The following UGGT2 variants were observed in gnomAD, a reference collection of about 807,000 sequenced individuals.
UGGT2 encodes the protein UDP-glucose glycoprotein glucosyltransferase 2.
A neutral mutation model predicts 192.1 loss-of-function variants in UGGT2; 180 were observed. The observed-to-expected ratio is 0.94, with a 90% confidence interval of 0.83 to 1.06. The LOEUF is 1.06. UGGT2 is among the 50% of genes least tolerant of loss of function. UGGT2 has a pLI of 0.00. For synonymous variants in UGGT2, 580 were observed against 591.0 expected (o/e 0.98, Z 0.27); for missense variants, 1,849 against 1,795.7 (o/e 1.03, Z -0.54).
intron 29 of UGGT2, among the ~76,000 whole-genome samples, chr13:95,872,723 T>C (rs1008651351): frequency 6.6e-6 from 1 of 152,230 alleles, no homozygotes; most frequent in African/African-American, 2.4e-5. Flanking sequence ...CAATTTTCAC[T>C]AATATGTTAG....
intron 17 of UGGT2, among the ~76,000 whole-genome samples, chr13:95,936,441 G>C (rs78081482): frequency 0.014 from 2,162 of 152,354 alleles, 27 homozygotes; most frequent in South Asian, 0.054. Flanking sequence ...GCTGATCTGT[G>C]GTGTGCACAG....
At chr13:96,046,674 G>A (rs899113406) in intron 1 of UGGT2, among the ~76,000 whole-genome samples, 2 of 152,198 alleles carry the variant, frequency 1.3e-5, no homozygotes, top group African/African-American at 2.4e-5. Flanking sequence ...GCAAGGCATC[G>A]CCTCACCCGG....
chr13:95,998,459 C>A (rs1477045686), intron 6 of UGGT2, among the ~76,000 whole-genome samples: 2 of 152,064 alleles, frequency 1.3e-5, no homozygotes, highest in Non-Finnish European at 2.9e-5. Context: ...GTAGGAGGAG[C>A]CAGAGAGAAG....
intron 8 of UGGT2, among the ~76,000 whole-genome samples, chr13:95,987,666 G>C (rs149056830): frequency 4.4e-4 from 67 of 152,160 alleles, no homozygotes; most frequent in African/African-American, 1.5e-3. Flanking sequence ...CCATGCTAAG[G>C]GGTTTAAACT....
intron 1 of UGGT2, 81 bp from the exon 2 acceptor site, chr13:96,032,052 A>C: frequency 2.2e-6 from 2 of 930,054 alleles, no homozygotes; most frequent in Non-Finnish European, 1.6e-6. Context: ...CAAGAACCAA[A>C]TTATATCTAT....
chr13:95,815,837 G>T (rs1884823516), intron 38 of UGGT2, among the ~76,000 whole-genome samples: 1 of 152,198 alleles, frequency 6.6e-6, no homozygotes, highest in Non-Finnish European at 1.5e-5. Context: ...TTGGAGGTGG[G>T]AGGGTATAAT....
intron 25 of UGGT2, among the ~76,000 whole-genome samples, chr13:95,888,315 A>G (rs1052188641): frequency 1.3e-5 from 2 of 152,222 alleles, no homozygotes; most frequent in African/African-American, 4.8e-5. Context: ...ATCTGCAAAT[A>G]CAAAGTGGTG....
chr13:96,018,219 G>A (rs755613602), intron 4 of UGGT2, among the ~76,000 whole-genome samples: 18 of 152,084 alleles, frequency 1.2e-4, no homozygotes, highest in African/African-American at 1.9e-4. Flanking sequence ...GACATAATAC[G>A]AAAATGTGAA....
Position 95,877,785 on chromosome 13 carries a change from C to A in UGGT2, c.3300G>T (p.Val1100=). 6.2e-7 allele frequency: 1 copy of A among 1,614,012 alleles called. No homozygotes were observed. Among genetic ancestry groups the A allele is most frequent in the South Asian group, 1.1e-5 (1 of 91,072 alleles). ...LLLEGQCFDK[V]TEQPPRGLQF... ...GCAGACCCCGAGGAGGCTGTTCTGTCACTTTATCAAAGCATTGTCCTTCCA... is the reference window on the plus strand; with the variant it reads ...GCAGACCCCGAGGAGGCTGTTCTGTAACTTTATCAAAGCATTGTCCTTCCA... Residue 1100 remains valine (V), a synonymous_variant, in exon 28 of 39, where the codon GTG becomes GTT. Coordinates refer to ENST00000376747, the MANE Select transcript of UGGT2 (RefSeq NM_020121.4).
intron 10 of UGGT2, among the ~76,000 whole-genome samples, chr13:95,975,403 T>A (rs1446833749): frequency 1.3e-5 from 2 of 152,186 alleles, no homozygotes; most frequent in Non-Finnish European, 2.9e-5. Context: ...TACCTCACCT[T>A]GGTTCTTGGT....
At chr13:95,951,926 T>C (rs1339612186) in intron 12 of UGGT2, among the ~76,000 whole-genome samples, 1 of 151,874 alleles carries the variant, frequency 6.6e-6, no homozygotes, top group African/African-American at 2.4e-5. Context: ...GGCATGGTGA[T>C]ACACGCCTGT....
chr13:95,847,290 G>C (rs1262808109), intron 36 of UGGT2, among the ~76,000 whole-genome samples: 1 of 151,960 alleles, frequency 6.6e-6, no homozygotes, highest in East Asian at 1.9e-4. Context: ...TGCAATACAT[G>C]AACCTACATT....
At chr13:96,032,729 C>G (rs892511633) in intron 1 of UGGT2, among the ~76,000 whole-genome samples, 1 of 152,204 alleles carries the variant, frequency 6.6e-6, no homozygotes, top group African/African-American at 2.4e-5. Context: ...ACCTTTCTCT[C>G]TAGGCTTGGT....
intron 1 of UGGT2, among the ~76,000 whole-genome samples, chr13:96,043,882 A>C (rs976582472): frequency 6.6e-6 from 1 of 152,148 alleles, no homozygotes; most frequent in Non-Finnish European, 1.5e-5. Flanking sequence ...TACTAGACTT[A>C]AGAAATGAGA....
chr13:95,983,811 TTTTCC>T lies in UGGT2; in HGVS notation c.1080_1084del (p.Glu361SerfsTer7). On this transcript the variant is annotated frameshift_variant, in exon 10 of 39. Coordinates refer to ENST00000376747, the MANE Select transcript of UGGT2 (RefSeq NM_020121.4). LOFTEE classifies it high-confidence loss of function. ...AAAGGAATTCAAACAAACCTTTTGA[TTTTCC>T]TTTATTTCTTCTCTCATATGTTGAT... is the stretch of plus-strand genomic sequence containing the variant. The T allele has an allele frequency of 6.4e-7, 1 of 1,559,704 alleles. No homozygotes were observed. Among genetic ancestry groups the T allele is most frequent in the Non-Finnish European group, 8.7e-7 (1 of 1,151,322 alleles).
At position 95,982,352 on chromosome 13, in the gene UGGT2, T is replaced by C. The variant is rs151046144; in HGVS notation, c.1092+1452A>G. ...TAGGTAAATGCTGGCATTGTGCCAG[T>C]AGGAACAGGTTACCTGGGACCAGGC... On this transcript the variant is annotated intron_variant, in intron 10 of 38. Transcript: ENST00000376747. 5.6e-3 allele frequency among the ~76,000 whole-genome samples: 851 copies of C among 152,330 alleles called. 1 individual carries two copies. The highest frequency in any genetic ancestry group is 0.013 in the Admixed American group (203 of 15,302).
chr13:95,940,846 G>C (rs1036247653), intron 15 of UGGT2, among the ~76,000 whole-genome samples: 1 of 152,066 alleles, frequency 6.6e-6, no homozygotes, highest in Admixed American at 6.5e-5. Context: ...ACCTGCCTCG[G>C]CCTCCCAAAT....
At chr13:96,051,789 C>T (rs1017899279) in intron 1 of UGGT2, among the ~76,000 whole-genome samples, 1 of 152,114 alleles carries the variant, frequency 6.6e-6, no homozygotes, top group Non-Finnish European at 1.5e-5. Flanking sequence ...CCACCTTACT[C>T]CTGCAAGAAT....
At chr13:96,050,722 C>T (rs1206854705) in intron 1 of UGGT2, among the ~76,000 whole-genome samples, 2 of 152,182 alleles carry the variant, frequency 1.3e-5, no homozygotes, top group African/African-American at 4.8e-5. Context: ...CCAACAGACA[C>T]ATGAAAAAAT....
Sources: allele counts gnomAD v4.1 joint callset (sites outside exome capture counted in the v4.1 genomes callset), GRCh38; gene constraint gnomAD v4.1.1; transcripts MANE v1.5; gene names NCBI Gene and HGNC (gene_info 2026-07-23, HGNC 2026-07-21).